SRGAP1: variants seen among roughly 807,000 people sequenced by gnomAD.
The protein encoded by SRGAP1 is SLIT-ROBO Rho GTPase-activating protein 1.
In SRGAP1, 43 loss-of-function variants were observed where a neutral mutation model predicts 121.9. The observed-to-expected ratio is 0.35, with a 90% CI of 0.28 to 0.46. The LOEUF is 0.46. Among genes scored for constraint, SRGAP1 ranks in the 20% least tolerant of loss-of-function variants. The pLI is 1.00. For missense variants in SRGAP1, 1,102 were observed against 1,350.9 expected (o/e 0.82, Z 2.89); for synonymous variants, 447 against 485.4 (o/e 0.92, Z 1.04).
At chr12:63,867,744 G>C (rs943950854) in intron 1 of SRGAP1, among the ~76,000 whole-genome samples, 8 of 151,684 alleles carry the variant, frequency 5.3e-5, no homozygotes, top group Non-Finnish European at 1.2e-4. Context: ...AGAAGCTATG[G>C]TCTTAATTAG....
chr12:64,019,278 A>C (rs1053972858), intron 4 of SRGAP1, among the ~76,000 whole-genome samples: 2 of 152,168 alleles, frequency 1.3e-5, no homozygotes, highest in Admixed American at 6.5e-5. Context: ...GTAGCGTTCA[A>C]GTGAGTAAGC....
At chr12:63,868,513 G>A (rs1192029873) in intron 1 of SRGAP1, among the ~76,000 whole-genome samples, 4 of 152,118 alleles carry the variant, frequency 2.6e-5, no homozygotes, top group Non-Finnish European at 4.4e-5. Context: ...GTAGCTGAGC[G>A]CACCAGCAAA....
At chr12:64,044,699 T>A (rs867192094) in intron 6 of SRGAP1, among the ~76,000 whole-genome samples, 3 of 138,656 alleles carry the variant, frequency 2.2e-5, no homozygotes, top group Non-Finnish European at 3.1e-5. Flanking sequence ...TTTTTTTTTT[T>A]AAGACAGAGT....
intron 4 of SRGAP1, among the ~76,000 whole-genome samples, chr12:64,039,660 T>TGTGTGTGTGTGTGTGTGTGTGTGTGA: frequency 6.9e-6 from 1 of 145,482 alleles, no homozygotes; most frequent in South Asian, 2.2e-4. Context: ...TGTGTGTGTG[T>TGTGTGTGTGTGTGTGTGTGTGTGTGA]ACACCCTCTC....
intron 14 of SRGAP1, among the ~76,000 whole-genome samples, chr12:64,096,794 G>A (rs1165493571): frequency 6.6e-6 from 1 of 152,100 alleles, no homozygotes; most frequent in Non-Finnish European, 1.5e-5. Flanking sequence ...CAATTCAGTG[G>A]CACCTATGAC....
chr12:63,932,941 G>A (rs952632164), intron 1 of SRGAP1, among the ~76,000 whole-genome samples: 9 of 152,176 alleles, frequency 5.9e-5, no homozygotes, highest in African/African-American at 2.2e-4. Flanking sequence ...TTTAATCCCA[G>A]CACTTTGGGA....
chr12:64,080,223 A>G (rs56996618), intron 9 of SRGAP1, 63 bp from the exon 10 acceptor site: 148,848 of 1,405,508 alleles, frequency 0.11, 10,484 homozygotes, highest in South Asian at 0.27. Flanking sequence ...AGCCTGGGTG[A>G]CAAGAATGAA....
intron 1 of SRGAP1, among the ~76,000 whole-genome samples, chr12:63,952,130 C>T (rs1472508195): frequency 6.6e-6 from 1 of 152,074 alleles, no homozygotes; most frequent in Non-Finnish European, 1.5e-5. Context: ...TTTAAATGTA[C>T]ACTCACCCCC....
At chr12:64,033,442 T>TGTG (rs1477188931) in intron 4 of SRGAP1, among the ~76,000 whole-genome samples, 1 of 152,110 alleles carries the variant, frequency 6.6e-6, no homozygotes, top group Non-Finnish European at 1.5e-5. Flanking sequence ...TGTGGCCAGG[T>TGTG]GTGGTGGCTC....
At chr12:64,059,768 C>T (rs564343221) in intron 6 of SRGAP1, among the ~76,000 whole-genome samples, 1 of 152,120 alleles carries the variant, frequency 6.6e-6, no homozygotes, top group Non-Finnish European at 1.5e-5. Context: ...GGACTTTGTT[C>T]ATCTGGGACT....
chr12:64,032,111 T>A (rs1468633178), intron 4 of SRGAP1, among the ~76,000 whole-genome samples: 1 of 152,148 alleles, frequency 6.6e-6, no homozygotes, highest in East Asian at 1.9e-4. Context: ...CACAGACAAT[T>A]TGAATGGTGA....
chr12:63,917,183 CTAA>C (rs2030817143), intron 1 of SRGAP1, among the ~76,000 whole-genome samples: 2 of 152,170 alleles, frequency 1.3e-5, no homozygotes, highest in African/African-American at 4.8e-5. Context: ...ATGTACAACA[CTAA>C]TAATAAATAC....
At position 64,156,802 on chromosome 12, in the gene SRGAP1, C is replaced by A. The variant is rs2037167447; in HGVS notation, c.*14130C>A. 6.6e-6 allele frequency: 1 copy of A among 152,110 alleles called. No individual in the cohort carries two copies. The highest frequency in any genetic ancestry group is 2.4e-5 in the African/African-American group (1 of 41,404). 9.4% of individuals were successfully genotyped at this position (152,110 alleles called of 1,614,324 possible). On this transcript the variant is annotated 3_prime_UTR_variant, in exon 22 of 22. Coordinates refer to ENST00000355086, the MANE Select transcript of SRGAP1 (RefSeq NM_020762.4). ...GCTTTGGGCTGCTGCTGCATCACTG[C>A]AGTTTAATAGGAGGAGGCTGGTGAA... is the stretch of plus-strand genomic sequence containing the variant.
At chr12:63,995,643 T>C (rs1159777017) in intron 3 of SRGAP1, among the ~76,000 whole-genome samples, 1 of 152,094 alleles carries the variant, frequency 6.6e-6, no homozygotes, top group Non-Finnish European at 1.5e-5. Flanking sequence ...ATCCAAGTTA[T>C]AGGGAGGGAT....
intron 15 of SRGAP1, among the ~76,000 whole-genome samples, chr12:64,103,414 T>C (rs2036290705): frequency 6.6e-6 from 1 of 152,228 alleles, no homozygotes; most frequent in Admixed American, 6.5e-5. Flanking sequence ...ACAAATCCCC[T>C]AGTTTAGACA....
chr12:63,939,476 T>C (rs544430011), intron 1 of SRGAP1, among the ~76,000 whole-genome samples: 1 of 151,856 alleles, frequency 6.6e-6, no homozygotes, highest in African/African-American at 2.4e-5. Context: ...AGAACAAAAA[T>C]ATTAAATGGA....
At chr12:63,948,430 T>A (rs2032120470) in intron 1 of SRGAP1, among the ~76,000 whole-genome samples, 1 of 152,202 alleles carries the variant, frequency 6.6e-6, no homozygotes, top group African/African-American at 2.4e-5. Context: ...TCAGCAGGGA[T>A]GCTGGTGTCT....
At position 64,080,384 on chromosome 12, in the gene SRGAP1, A is replaced by C; in HGVS notation, c.1408+14A>C. 6.3e-7 allele frequency: 1 copy of C among 1,590,744 alleles called. No individual in the cohort carries two copies. Among genetic ancestry groups the C allele is most frequent in the African/African-American group, 1.3e-5 (1 of 74,476 alleles). On this transcript the variant is annotated intron_variant, in intron 10 of 21. Transcript: ENST00000355086. The stretch of plus-strand genomic sequence containing the variant: ...CCCTGGGAGAAGGTGAGTTATCCAA[A>C]ATGTATGGGAAGATGACCTGGATGA...
chr12:63,934,653 C>T (rs74099384), intron 1 of SRGAP1, among the ~76,000 whole-genome samples: 1 of 151,932 alleles, frequency 6.6e-6, no homozygotes, highest in African/African-American at 2.4e-5. Flanking sequence ...CAACCACCAC[C>T]CCCCCCAACA....
Sources: allele counts gnomAD v4.1 joint callset (sites outside exome capture counted in the v4.1 genomes callset), GRCh38; gene constraint gnomAD v4.1.1; transcripts MANE v1.5; gene names NCBI Gene and HGNC (gene_info 2026-07-23, HGNC 2026-07-21).